PRDM16: variants seen among roughly 807,000 people sequenced by gnomAD.
PRDM16 encodes PR/SET domain 16.
Under a neutral mutation model 110.6 loss-of-function variants are expected in PRDM16, and 23 were observed. That is an observed-to-expected ratio of 0.21 (90% confidence interval 0.15 to 0.29). The LOEUF (loss-of-function observed/expected upper bound fraction) is 0.29, where lower values mean the gene tolerates loss of function less well. PRDM16 is among the 10% of genes least tolerant of loss of function. The pLI is 1.00. For missense variants in PRDM16, 1,615 were observed against 1,794.3 expected, an observed-to-expected ratio of 0.90 and a Z score of 1.81; for synonymous variants, 799 against 781.8, an observed-to-expected ratio of 1.02 and a Z score of -0.37.
intron 1 of PRDM16, among the ~76,000 whole-genome samples, chr1:3,173,236 G>C (rs143395031): frequency 6.6e-6 from 1 of 152,188 alleles, no homozygotes; most frequent in Non-Finnish European, 1.5e-5. Context: ...AAGGAATAAA[G>C]GAGAGGAAGA....
chr1:3,412,145 G>A lies in PRDM16; in HGVS notation c.1948G>A (p.Gly650Arg). The change falls in exon 9 of 17, where the codon GGG becomes AGG. Residue 650 changes from glycine (G) to arginine (R), a missense_variant. Around this residue, in one of 5 missense-constraint regions of PRDM16, gnomAD observed 772 missense variants for 748.3 expected, o/e 1.03. Transcript: ENST00000270722. ...GTCCGCCGAGGGCCAGCCCAAGTTT[G>A]GGGGCGGCTTGGCGCCCCCGGGGGC... is the stretch of plus-strand genomic sequence containing the variant. ...GKSAEGQPKF[G>R]GGLAPPGAPN... 2 of 1,561,806 alleles carry A rather than the reference G, an allele frequency of 1.3e-6. No individual in the cohort carries two copies. Among genetic ancestry groups the A allele is most frequent in the Non-Finnish European group, 1.7e-6 (2 of 1,154,542 alleles).
intron 2 of PRDM16, among the ~76,000 whole-genome samples, chr1:3,194,556 G>C (rs139551108): frequency 3.3e-5 from 5 of 150,786 alleles, no homozygotes; most frequent in Admixed American, 3.3e-4. Flanking sequence ...TGGACTCTGC[G>C]GCAACTGGCC....
intron 1 of PRDM16, among the ~76,000 whole-genome samples, chr1:3,070,565 C>A (rs1641726868): frequency 7.0e-6 from 1 of 142,468 alleles, no homozygotes; most frequent in East Asian, 2.2e-4. Flanking sequence ...AGAAGAGGCG[C>A]CCGGGCCGCT....
At chr1:3,247,131 C>T (rs1639807455) in intron 3 of PRDM16, among the ~76,000 whole-genome samples, 1 of 152,158 alleles carries the variant, frequency 6.6e-6, no homozygotes, top group Non-Finnish European at 1.5e-5. Flanking sequence ...TTAAAAACCT[C>T]ATAGGGGAAC....
intron 1 of PRDM16, among the ~76,000 whole-genome samples, chr1:3,126,245 G>A (rs1400818220): frequency 1.3e-5 from 2 of 152,188 alleles, no homozygotes; most frequent in South Asian, 2.1e-4. Context: ...TCTCGCCGCC[G>A]CCGCACGCGG....
At position 3,358,810 on chromosome 1, in the gene PRDM16, T is replaced by C. The variant is rs915177483; in HGVS notation, c.439-26342T>C. Among the ~76,000 whole-genome samples, 15 of 152,190 alleles carry C rather than the reference T, an allele frequency of 9.9e-5. No individual in the cohort carries two copies. The highest frequency in any genetic ancestry group is 1.8e-4 in the Non-Finnish European group (12 of 68,036). ...TCCACAAAGTCACAGTGTGTGATGATTCCTGCCGGGGAGGAGGGAGCTCAT... is the reference window on the plus strand; with the variant it reads ...TCCACAAAGTCACAGTGTGTGATGACTCCTGCCGGGGAGGAGGGAGCTCAT... On this transcript the variant is annotated intron_variant, in intron 3 of 16. Coordinates refer to ENST00000270722, the MANE Select transcript of PRDM16 (RefSeq NM_022114.4). This position sits in a 1 kb window ranked among gnomAD's most constrained non-coding sequence, Gnocchi z 4.0.
intron 2 of PRDM16, among the ~76,000 whole-genome samples, chr1:3,193,731 C>G (rs1186869419): frequency 1.3e-5 from 2 of 152,184 alleles, no homozygotes; most frequent in African/African-American, 4.8e-5. Flanking sequence ...GAGTGAGTGC[C>G]CCTCCCACAT....
At chr1:3,303,100 C>G (rs1028347313) in intron 3 of PRDM16, among the ~76,000 whole-genome samples, 2 of 151,924 alleles carry the variant, frequency 1.3e-5, no homozygotes, top group Non-Finnish European at 2.9e-5. Flanking sequence ...ATTCACATAC[C>G]ATATAATTTT....
In PRDM16 at chr1:3,069,502, C is replaced by A. The variant is rs1641691053; in HGVS notation, c.37+206C>A. Reference sequence around the variant, plus strand: ...GCGGAGGCTCGGGGCGCCCGGGCCGCGCGCTCCCCGAAGGCGCCGGCCCCC... The same window carrying A: ...GCGGAGGCTCGGGGCGCCCGGGCCGAGCGCTCCCCGAAGGCGCCGGCCCCC... On this transcript the variant is annotated intron_variant, in intron 1 of 16. Coordinates refer to ENST00000270722, the MANE Select transcript of PRDM16 (RefSeq NM_022114.4). This position sits in a 1 kb window ranked among gnomAD's most constrained non-coding sequence, Gnocchi z 6.1. Among the ~76,000 whole-genome samples the A allele has an allele frequency of 6.8e-6, 1 of 146,448 alleles. No homozygotes were observed. Among genetic ancestry groups the A allele is most frequent in the Non-Finnish European group, 1.5e-5 (1 of 66,000 alleles).
At chr1:3,356,069 G>T (rs1570125768) in intron 3 of PRDM16, among the ~76,000 whole-genome samples, 1 of 152,204 alleles carries the variant, frequency 6.6e-6, no homozygotes, top group Admixed American at 6.5e-5. Context: ...AGCTTTCAGG[G>T]CCCAAGACCT....
chr1:3,392,118 C>T (rs1349350988), intron 4 of PRDM16, among the ~76,000 whole-genome samples: 1 of 152,224 alleles, frequency 6.6e-6, no homozygotes, highest in East Asian at 1.9e-4. Context: ...TCTCTCTCTC[C>T]CAAGGCCAGG....
chr1:3,124,631 A>T (rs528503346), intron 1 of PRDM16, among the ~76,000 whole-genome samples: 112 of 152,340 alleles, frequency 7.4e-4, no homozygotes, highest in Non-Finnish European at 1.2e-3. Flanking sequence ...GTGGAGCCAC[A>T]TCTGCGGTCC....
intron 5 of PRDM16, among the ~76,000 whole-genome samples, chr1:3,396,949 G>A (rs871824): frequency 0.28 from 42,866 of 151,920 alleles, 6,608 homozygotes; most frequent in East Asian, 0.61. Flanking sequence ...TTTTATTATT[G>A]CTATTATTCT....
intron 2 of PRDM16, among the ~76,000 whole-genome samples, chr1:3,204,716 G>A (rs1638713205): frequency 6.6e-6 from 1 of 152,276 alleles, no homozygotes; most frequent in African/African-American, 2.4e-5. Flanking sequence ...ACGATCGTGT[G>A]TTCTGTCTTT....
chr1:3,267,190 C>T (rs1057335791), intron 3 of PRDM16, among the ~76,000 whole-genome samples: 4 of 152,210 alleles, frequency 2.6e-5, no homozygotes, highest in African/African-American at 9.7e-5. Flanking sequence ...TCTCTTCCAG[C>T]CCTAGGCAAC....
intron 3 of PRDM16, among the ~76,000 whole-genome samples, chr1:3,252,288 C>T (rs1639951447): frequency 6.6e-6 from 1 of 152,228 alleles, no homozygotes; most frequent in Non-Finnish European, 1.5e-5. Context: ...CAGCGGTGTC[C>T]CTGTGCGGGC....
At chr1:3,172,486 A>G (rs981066986) in intron 1 of PRDM16, among the ~76,000 whole-genome samples, 1 of 152,192 alleles carries the variant, frequency 6.6e-6, no homozygotes, top group Non-Finnish European at 1.5e-5. Context: ...CGGCACACGC[A>G]TGTTCACACG....
intron 2 of PRDM16, among the ~76,000 whole-genome samples, chr1:3,202,559 C>G (rs1638655923): frequency 1.3e-5 from 2 of 152,194 alleles, no homozygotes; most frequent in East Asian, 3.9e-4. Context: ...GCTGCGCTGC[C>G]CATGTCCCCT....
rs141900239 is a variant in PRDM16 at position 3,139,219 on chromosome 1, C to T, written c.38-46906C>T. Among the ~76,000 whole-genome samples the T allele has an allele frequency of 3.1e-3, 468 of 152,286 alleles. 1 individual carries two copies. Among genetic ancestry groups the T allele is most frequent in the Non-Finnish European group, 5.1e-3 (344 of 68,012 alleles). ...ACATTTTAGCTCCACTTGGTGCCACCGGGCCTCCCCTATGTGGAACTGGGG... is the reference window on the plus strand; with the variant it reads ...ACATTTTAGCTCCACTTGGTGCCACTGGGCCTCCCCTATGTGGAACTGGGG... On this transcript the variant is annotated intron_variant, in intron 1 of 16. Transcript: ENST00000270722.
Sources: allele counts gnomAD v4.1 joint callset (sites outside exome capture counted in the v4.1 genomes callset), GRCh38; gene constraint gnomAD v4.1.1; regional missense constraint gnomAD v4.1.1; non-coding constraint Gnocchi (gnomAD v3.1); transcripts MANE v1.5; gene names NCBI Gene and HGNC (gene_info 2026-07-23, HGNC 2026-07-21).